The following KLB variants were observed in gnomAD, a reference collection of about 807,000 sequenced individuals.
KLB encodes klotho beta, also known as beta-klotho.
A neutral mutation model predicts 88.4 loss-of-function variants in KLB; 44 were observed. That is an observed-to-expected ratio of 0.50 (90% CI 0.39 to 0.64). The LOEUF (loss-of-function observed/expected upper bound fraction) is 0.64. KLB is among the 30% of genes least tolerant of loss of function. The pLI is 0.00. For missense variants in KLB, 1,137 were observed against 1,304.8 expected, an observed-to-expected ratio of 0.87 and a Z score of 1.98; for synonymous variants, 548 against 513.4, an observed-to-expected ratio of 1.07 and a Z score of -0.91.
At chr4:39,442,118 T>C (rs1363091762) in intron 3 of KLB, among the ~76,000 whole-genome samples, 1 of 151,830 alleles carries the variant, frequency 6.6e-6, no homozygotes, top group Non-Finnish European at 1.5e-5. Context: ...TGTAATTCCA[T>C]CTATAATTCC....
At chr4:39,416,344 TA>T (rs1286292712) in intron 1 of KLB, among the ~76,000 whole-genome samples, 1 of 152,198 alleles carries the variant, frequency 6.6e-6, no homozygotes, top group Non-Finnish European at 1.5e-5. Context: ...ATAAGTAGCA[TA>T]AGAAGGTAAA....
chr4:39,422,493 C>T (rs891308765), intron 1 of KLB, among the ~76,000 whole-genome samples: 3 of 152,180 alleles, frequency 2.0e-5, no homozygotes, highest in South Asian at 4.1e-4. Flanking sequence ...GGAATGATCA[C>T]AGTACCTACC....
In KLB at chr4:39,448,571, C is replaced by A; in HGVS notation, c.3020C>A (p.Thr1007Asn). Reference sequence around the variant, plus strand: ...TTCCTGGGTTGTTGCTTCTTCTCCACCCTGGTTCTACTCTTATCAATTGCC... The same window carrying A: ...TTCCTGGGTTGTTGCTTCTTCTCCAACCTGGTTCTACTCTTATCAATTGCC... ...LIFLGCCFFS[T>N]LVLLLSIAIF... The change falls in exon 5 of 5, where the codon ACC becomes AAC. Residue 1007 changes from threonine to asparagine, a missense_variant. Physicochemically the swap from Thr to Asn is moderately conservative, Grantham distance 65 (BLOSUM62 0). This residue lies in a region of KLB where 426 missense variants were observed against 404.6 expected (regional missense o/e 1.05). Transcript: ENST00000257408. The A allele has an allele frequency of 6.2e-7, 1 of 1,614,142 alleles. No individual in the cohort carries two copies. Among genetic ancestry groups the A allele is most frequent in the Non-Finnish European group, 8.5e-7 (1 of 1,180,018 alleles).
intron 1 of KLB, among the ~76,000 whole-genome samples, chr4:39,422,104 T>A (rs143104901): frequency 1.2e-4 from 18 of 152,308 alleles, no homozygotes; most frequent in African/African-American, 4.3e-4. Flanking sequence ...TTGTGTCATG[T>A]CTGTTGCATA....
At chr4:39,431,605 G>C (rs1243897444) in intron 1 of KLB, among the ~76,000 whole-genome samples, 2 of 152,196 alleles carry the variant, frequency 1.3e-5, no homozygotes, top group Admixed American at 6.5e-5. Flanking sequence ...AATGGTACCA[G>C]AATCTTCCAA....
At position 39,433,858 on chromosome 4, in the gene KLB, T is replaced by C. The variant is rs1743414374; in HGVS notation, c.826-352T>C. Among the ~76,000 whole-genome samples the C allele has an allele frequency of 2.0e-5, 3 of 151,970 alleles. No individual in the cohort carries two copies. The South Asian group carries it at 6.2e-4, about 32-fold the overall frequency. Reference sequence around the variant, plus strand: ...CTAGGCGACAGAGAAAGACTCTGTCTCAAAATAAAATAAAAATAAAAAATA... The same window carrying C: ...CTAGGCGACAGAGAAAGACTCTGTCCCAAAATAAAATAAAAATAAAAAATA... On this transcript the variant is annotated intron_variant, in intron 1 of 4. Coordinates refer to ENST00000257408, the MANE Select transcript of KLB (RefSeq NM_175737.4).
At chr4:39,444,681 C>A (rs4974939) in intron 3 of KLB, among the ~76,000 whole-genome samples, 18,882 of 152,220 alleles carry the variant, frequency 0.12, 1,261 homozygotes, top group Non-Finnish European at 0.15. Flanking sequence ...CATAGCAAGA[C>A]TGCCTTTTAT....
Position 39,449,874 on chromosome 4 carries a change from A to C in KLB, c.*1188A>C, listed in dbSNP as rs1560655994. The C allele has an allele frequency of 6.6e-6, 1 of 152,266 alleles. No homozygotes were observed. Among genetic ancestry groups the C allele is most frequent in the Non-Finnish European group, 1.5e-5 (1 of 68,102 alleles). The allele number at this position is 152,266 out of a possible 1,614,324, so 9.4% of individuals were successfully genotyped here. On this transcript the variant is annotated 3_prime_UTR_variant, in exon 5 of 5. Coordinates refer to ENST00000257408, the MANE Select transcript of KLB (RefSeq NM_175737.4). ...CGAGAGGCAGAGGTTGCAATGAGCCAAGATCGTGCCATTGCACTCCAGCCT... is the reference window on the plus strand; with the variant it reads ...CGAGAGGCAGAGGTTGCAATGAGCCCAGATCGTGCCATTGCACTCCAGCCT...
intron 3 of KLB, among the ~76,000 whole-genome samples, chr4:39,445,701 T>A (rs1743728299): frequency 6.7e-6 from 1 of 148,664 alleles, no homozygotes; most frequent in Non-Finnish European, 1.5e-5. Context: ...TTTTTTTTTT[T>A]AGTAGAGACG....
rs957699840 is a variant in KLB, at chr4:39,448,870, C to A, written c.*184C>A. The A allele has an allele frequency of 5.1e-6, 3 of 590,596 alleles. No homozygotes were observed. Among genetic ancestry groups the A allele is most frequent in the African/African-American group, 3.7e-5 (2 of 53,876 alleles). The allele number at this position is 590,596 out of a possible 1,614,324, so 36.6% of individuals were successfully genotyped here. On this transcript the variant is annotated 3_prime_UTR_variant, in exon 5 of 5. Transcript: ENST00000257408. ...CCTTAGGTGTTGACATCAGTGAACT[C>A]AGTTCTTGGATGTAAACATAAAGGC...
intron 1 of KLB, among the ~76,000 whole-genome samples, chr4:39,413,011 G>A (rs1373096306): frequency 1.3e-5 from 2 of 152,090 alleles, no homozygotes; most frequent in Admixed American, 1.3e-4. Context: ...ATTCAAATTG[G>A]CTAAAGCAAA....
chr4:39,407,819 G>T, intron 1 of KLB, 45 bp downstream of exon 1: 1 of 1,106,830 alleles, frequency 9.0e-7, no homozygotes, highest in Non-Finnish European at 1.3e-6. Flanking sequence ...AAAACACTAA[G>T]AATTTAAGAA....
Position 39,449,130 on chromosome 4 carries a change from G to A in KLB, c.*444G>A, listed in dbSNP as rs1743832180. The A allele has an allele frequency of 6.5e-6, 1 of 154,244 alleles. No individual in the cohort carries two copies. 9.6% of individuals were successfully genotyped at this position (154,244 alleles called of 1,614,324 possible). ...ACCTGAGGTGAGGAGTTCGAGACCA[G>A]CCTGGCCAACATGGTGAAACCATGT... On this transcript the variant is annotated 3_prime_UTR_variant, in exon 5 of 5. Coordinates refer to ENST00000257408, the MANE Select transcript of KLB (RefSeq NM_175737.4).
In KLB at chr4:39,446,400, C is replaced by T; in HGVS notation, c.1674C>T (p.Asn558=). 1 of 1,614,196 alleles carries T rather than the reference C, an allele frequency of 6.2e-7. No individual in the cohort carries two copies. Among genetic ancestry groups the T allele is most frequent in the South Asian group, 1.1e-5 (1 of 91,080 alleles). The change falls in exon 4 of 5, where the codon AAC becomes AAT. Residue 558 remains asparagine, a synonymous_variant. Coordinates refer to ENST00000257408, the MANE Select transcript of KLB (RefSeq NM_175737.4). This position sits in a 1 kb window ranked among gnomAD's most constrained non-coding sequence, Gnocchi z 6.4. ...TGTACGTGTGGAACGCCACTGGCAA[C>T]AGACTGTTGCACCGAGTGGAAGGGG... ...PHLYVWNATG[N]RLLHRVEGVR...
chr4:39,407,595 G>T lies in KLB; in HGVS notation c.646G>T (p.Asp216Tyr). Reference sequence around the variant, plus strand: ...GGGGTGGAAAAATGATACCATAATAGATATCTTCAATGACTATGCCACATA... The same window carrying T: ...GGGGTGGAAAAATGATACCATAATATATATCTTCAATGACTATGCCACATA... ...YGGWKNDTIIDIFNDYATYCF... is the reference protein window; with the variant it reads ...YGGWKNDTIIYIFNDYATYCF... The change falls in exon 1 of 5, where the codon GAT becomes TAT. Residue 216 changes from aspartate to tyrosine, a missense_variant. Asp to Tyr is a radical substitution (Grantham distance 160). Coordinates refer to ENST00000257408, the MANE Select transcript of KLB (RefSeq NM_175737.4). The T allele has an allele frequency of 1.2e-6, 2 of 1,614,130 alleles. No individual in the cohort carries two copies. The highest frequency in any genetic ancestry group is 1.7e-6 in the Non-Finnish European group (2 of 1,180,006).
chr4:39,435,616 G>A (rs1177396686), intron 2 of KLB, among the ~76,000 whole-genome samples: 1 of 151,424 alleles, frequency 6.6e-6, no homozygotes, highest in Admixed American at 6.6e-5. Context: ...AGTAGAGACG[G>A]GGGTTCAACA....
chr4:39,408,785 A>C (rs1742779724), intron 1 of KLB, among the ~76,000 whole-genome samples: 1 of 152,132 alleles, frequency 6.6e-6, no homozygotes, highest in Admixed American at 6.6e-5. Context: ...AATATCTAGA[A>C]TCGAATTTAA....
chr4:39,448,390 T>A lies in KLB; in HGVS notation c.2839T>A (p.Ser947Thr). Reference protein sequence around the residue: ...KSKPRFGFFTSDFKAKSSIQF... With the variant: ...KSKPRFGFFTTDFKAKSSIQF... Reference sequence around the variant, plus strand: ...TAAACCCAGATTTGGATTCTTCACATCTGATTTTAAAGCTAAATCCTCAAT... The same window carrying A: ...TAAACCCAGATTTGGATTCTTCACAACTGATTTTAAAGCTAAATCCTCAAT... Residue 947 changes from serine (S) to threonine (T), a missense_variant, in exon 5 of 5, where the codon TCT (serine) becomes ACT (threonine). Ser to Thr is a moderately conservative substitution (Grantham distance 58). Around this residue, in one of 4 missense-constraint regions of KLB, gnomAD observed 426 missense variants for 404.6 expected, o/e 1.05. Coordinates refer to ENST00000257408, the MANE Select transcript of KLB (RefSeq NM_175737.4). The A allele has an allele frequency of 1.9e-6, 3 of 1,614,058 alleles. No individual in the cohort carries two copies. Among genetic ancestry groups the A allele is most frequent in the Non-Finnish European group, 2.5e-6 (3 of 1,179,894 alleles).
rs765270900 is a variant in KLB at position 39,448,440 on chromosome 4, C to T, written c.2889C>T (p.Ser963=). 6.2e-7 allele frequency: 1 copy of T among 1,614,148 alleles called. No homozygotes were observed. Among genetic ancestry groups the T allele is most frequent in the Non-Finnish European group, 8.5e-7 (1 of 1,180,002 alleles). ...SSIQFYNKVI[S]SRGFPFENSS... ...TACAATTTTACAACAAAGTGATCAG[C>T]AGCAGGGGCTTCCCTTTTGAGAACA... The change falls in exon 5 of 5, where the codon AGC becomes AGT. Residue 963 remains serine, a synonymous_variant. Coordinates refer to ENST00000257408, the MANE Select transcript of KLB (RefSeq NM_175737.4).
Sources: allele counts gnomAD v4.1 joint callset (sites outside exome capture counted in the v4.1 genomes callset), GRCh38; gene constraint gnomAD v4.1.1; regional missense constraint gnomAD v4.1.1; non-coding constraint Gnocchi (gnomAD v3.1); transcripts MANE v1.5; gene names NCBI Gene and HGNC (gene_info 2026-07-23, HGNC 2026-07-21).